Variants in KCNQ1 observed in about 807,000 individuals in gnomAD.
KCNQ1 encodes the protein potassium voltage-gated channel subfamily Q member 1.
KCNQ1 carries 49 observed loss-of-function variants against 72.4 expected under a neutral mutation model. The ratio of observed to expected loss-of-function variants is 0.68; its 90% CI spans 0.54 to 0.86. The LOEUF (loss-of-function observed/expected upper bound fraction) is 0.86, where lower values mean the gene tolerates loss of function less well. Among genes scored for constraint, KCNQ1 ranks in the 40% least tolerant of loss-of-function variants. The pLI is 0.00. For missense variants in KCNQ1, 790 were observed against 945.1 expected (o/e 0.84, Z 2.15); for synonymous variants, 450 against 412.6 (o/e 1.09, Z -1.10).
chr11:2,567,096 CCCCTGGGA>C lies in KCNQ1; in HGVS notation c.478-3531_478-3524del, dbSNP rs2133720539. On this transcript the variant is annotated intron_variant, in intron 2 of 15. Coordinates refer to ENST00000155840, the MANE Select transcript of KCNQ1 (RefSeq NM_000218.3). This position sits in a 1 kb window ranked among gnomAD's most constrained non-coding sequence, Gnocchi z 6.6. ...GCTCTGGGGGAGACTGGGCGGTGAG[CCCCTGGGA>C]AGGAGGCCTCAGGGACAGCCCTAGA... 6.6e-6 allele frequency among the ~76,000 whole-genome samples: 1 copy of C among 152,164 alleles called. No individual in the cohort carries two copies. The highest frequency in any genetic ancestry group is 1.9e-4 in the East Asian group (1 of 5,158).
rs1025908588 is a variant in KCNQ1 at position 2,750,748 on chromosome 11, G to A, written c.1515-18096G>A. On this transcript the variant is annotated intron_variant, in intron 11 of 15. Transcript: ENST00000155840. This position sits in a 1 kb window ranked among gnomAD's most constrained non-coding sequence, Gnocchi z 6.3. ...ATGGCTCATAATCTCCTGGGCTGCT[G>A]GGCGAAATGGGATCCCCTGGCTCTT... Among the ~76,000 whole-genome samples the A allele has an allele frequency of 6.6e-6, 1 of 152,150 alleles. No individual in the cohort carries two copies. Among genetic ancestry groups the A allele is most frequent in the Non-Finnish European group, 1.5e-5 (1 of 68,028 alleles).
chr11:2,778,838 G>T (rs1329408655), intron 15 of KCNQ1, among the ~76,000 whole-genome samples: 1 of 152,200 alleles, frequency 6.6e-6, no homozygotes, highest in Non-Finnish European at 1.5e-5. Flanking sequence ...GCAACGCCTG[G>T]CTCTGGCCTG....
chr11:2,646,880 A>T, intron 10 of KCNQ1: 1 of 398,606 alleles, frequency 2.5e-6, no homozygotes, highest in Non-Finnish European at 4.4e-6. Context: ...ACCAGTTCTA[A>T]AAGATTTTGG....
chr11:2,645,163 G>A lies in KCNQ1; in HGVS notation c.1394-16798G>A, dbSNP rs932259922. 6 of 398,588 alleles carry A rather than the reference G, an allele frequency of 1.5e-5. No homozygotes were observed. Among genetic ancestry groups the A allele is most frequent in the African/African-American group, 1.2e-4 (6 of 48,638 alleles). The allele number at this position is 398,588 out of a possible 1,614,324, so 24.7% of individuals were successfully genotyped here. ...AGAACAATCTTCTGCCTCCCAAGGT[G>A]TCCATGCTGGTATTGGGATGGCTGG... On this transcript the variant is annotated intron_variant, in intron 10 of 15. Coordinates refer to ENST00000155840, the MANE Select transcript of KCNQ1 (RefSeq NM_000218.3). The surrounding 1 kb of genome is among the most constrained non-coding windows in gnomAD (Gnocchi z 5.8).
intron 1 of KCNQ1, among the ~76,000 whole-genome samples, chr11:2,517,681 C>T (rs532220448): frequency 2.0e-5 from 3 of 152,336 alleles, no homozygotes; most frequent in African/African-American, 7.2e-5. Flanking sequence ...TAAGACGCTT[C>T]TTCAGGGAAG....
rs1328280238 is a variant in KCNQ1, at chr11:2,620,227, T to A, written c.1393+31373T>A. 6 of 267,486 alleles carry A rather than the reference T, an allele frequency of 2.2e-5. No homozygotes were observed. The highest frequency in any genetic ancestry group is 6.8e-5 in the African/African-American group (3 of 43,994). 16.6% of individuals were successfully genotyped at this position (267,486 alleles called of 1,614,324 possible). A position where few individuals can be genotyped will look rare whatever the true frequency, so the allele number is the denominator to read the frequency against. On this transcript the variant is annotated intron_variant, in intron 10 of 15. Coordinates refer to ENST00000155840, the MANE Select transcript of KCNQ1 (RefSeq NM_000218.3). This position sits in a 1 kb window ranked among gnomAD's most constrained non-coding sequence, Gnocchi z 4.5. ...TATATATATATTTTTTTTTTTTATT[T>A]TTTTTTTAGACGGAGTTTCGCTCTT...
rs552631395 is a variant in KCNQ1 at position 2,447,870 on chromosome 11, C to T, written c.386+2386C>T. Among the ~76,000 whole-genome samples the T allele has an allele frequency of 9.9e-5, 15 of 152,178 alleles. No individual in the cohort carries two copies. Among genetic ancestry groups the T allele is most frequent in the African/African-American group, 1.2e-4 (5 of 41,442 alleles). ...GGGCTAGGGCGAACTCTCCTGTGTG[C>T]GCCTGGGGAAGCCAGCCAGGATATC... On this transcript the variant is annotated intron_variant, in intron 1 of 15. Coordinates refer to ENST00000155840, the MANE Select transcript of KCNQ1 (RefSeq NM_000218.3). The surrounding 1 kb of genome is among the most constrained non-coding windows in gnomAD (Gnocchi z 7.6).
At chr11:2,730,430 A>G (rs231908) in intron 11 of KCNQ1, among the ~76,000 whole-genome samples, 113,944 of 152,164 alleles carry the variant, frequency 0.75, 42,860 homozygotes, top group Middle Eastern at 0.88. Flanking sequence ...GGGAGGCCCC[A>G]CCTCCCTTGG....
Position 2,600,638 on chromosome 11 carries a change from C to G in KCNQ1, c.1393+11784C>G, listed in dbSNP as rs181194279. Among the ~76,000 whole-genome samples, 2 of 152,254 alleles carry G rather than the reference C, an allele frequency of 1.3e-5. No individual in the cohort carries two copies. Among genetic ancestry groups the G allele is most frequent in the East Asian group, 1.9e-4 (1 of 5,190 alleles). Reference sequence around the variant, plus strand: ...ATTAAACATCAATATAATACTTGGACCTAATTTAATGCCTATGTTCCCATT... The same window carrying G: ...ATTAAACATCAATATAATACTTGGAGCTAATTTAATGCCTATGTTCCCATT... On this transcript the variant is annotated intron_variant, in intron 10 of 15. Transcript: ENST00000155840. The surrounding 1 kb of genome is among the most constrained non-coding windows in gnomAD (Gnocchi z 5.6).
intron 15 of KCNQ1, among the ~76,000 whole-genome samples, chr11:2,835,895 G>T (rs1187824278): frequency 6.6e-6 from 1 of 152,192 alleles, no homozygotes; most frequent in Non-Finnish European, 1.5e-5. Flanking sequence ...ACCTGGGTCA[G>T]CAGAGCACCG....
rs929034182 is a variant in KCNQ1 at position 2,824,275 on chromosome 11, G to A, written c.1795-23492G>A. On this transcript the variant is annotated intron_variant, in intron 15 of 15. Coordinates refer to ENST00000155840, the MANE Select transcript of KCNQ1 (RefSeq NM_000218.3). This position sits in a 1 kb window ranked among gnomAD's most constrained non-coding sequence, Gnocchi z 5.9. ...TGAGGAGGCTACGCAGAGGCCCTGG[G>A]AGGAGGGAGGCTAGGCCCAGGGGTG... 7.9e-5 allele frequency among the ~76,000 whole-genome samples: 12 copies of A among 152,182 alleles called. No homozygotes were observed. Among genetic ancestry groups the A allele is most frequent in the African/African-American group, 2.7e-4 (11 of 41,444 alleles).
rs1846172101 is a variant in KCNQ1, at chr11:2,748,437, G to A, written c.1515-20407G>A. Among the ~76,000 whole-genome samples, 1 of 152,138 alleles carries A rather than the reference G, an allele frequency of 6.6e-6. No homozygotes were observed. Among genetic ancestry groups the A allele is most frequent in the Non-Finnish European group, 1.5e-5 (1 of 68,010 alleles). ...GGGAGGGTCCCTATCAGATGCCCCTGGGTACCTCCCCAGGCAGGGCCCTCA... is the reference window on the plus strand; with the variant it reads ...GGGAGGGTCCCTATCAGATGCCCCTAGGTACCTCCCCAGGCAGGGCCCTCA... On this transcript the variant is annotated intron_variant, in intron 11 of 15. Coordinates refer to ENST00000155840, the MANE Select transcript of KCNQ1 (RefSeq NM_000218.3). The surrounding 1 kb of genome is among the most constrained non-coding windows in gnomAD (Gnocchi z 6.2).
chr11:2,638,470 A>G (rs1157573185), intron 10 of KCNQ1: 1 of 152,130 alleles, frequency 6.6e-6, no homozygotes, highest in Admixed American at 6.5e-5. Flanking sequence ...CTGGGTTGAA[A>G]ATTCTTTTCT....
At chr11:2,580,254 G>C (rs1848479529) in intron 6 of KCNQ1, among the ~76,000 whole-genome samples, 1 of 151,758 alleles carries the variant, frequency 6.6e-6, no homozygotes, top group South Asian at 2.1e-4. Context: ...GTCCTCGGCT[G>C]CCTCGGGAGG....
intron 2 of KCNQ1, among the ~76,000 whole-genome samples, chr11:2,539,359 T>A (rs1218014830): frequency 6.6e-6 from 1 of 152,178 alleles, no homozygotes; most frequent in Non-Finnish European, 1.5e-5. Flanking sequence ...GTCTTCCCTG[T>A]TTTCAAGCTA....
At position 2,611,676 on chromosome 11, in the gene KCNQ1, T is replaced by A; in HGVS notation, c.1393+22822T>A. Reference sequence around the variant, plus strand: ...TTTAAGGCAGTCTGGCAATCTCTGCTCTTTATTGAGTTTTTAATTCACTTA... The same window carrying A: ...TTTAAGGCAGTCTGGCAATCTCTGCACTTTATTGAGTTTTTAATTCACTTA... On this transcript the variant is annotated intron_variant, in intron 10 of 15. Coordinates refer to ENST00000155840, the MANE Select transcript of KCNQ1 (RefSeq NM_000218.3). This position sits in a 1 kb window ranked among gnomAD's most constrained non-coding sequence, Gnocchi z 5.3. The A allele has an allele frequency of 5.0e-6, 2 of 398,626 alleles. No homozygotes were observed. The highest frequency in any genetic ancestry group is 8.8e-6 in the Non-Finnish European group (2 of 226,050). The allele number at this position is 398,626 out of a possible 1,614,324, so 24.7% of individuals were successfully genotyped here.
At chr11:2,522,690 A>T (rs956687369) in intron 1 of KCNQ1, among the ~76,000 whole-genome samples, 2 of 152,266 alleles carry the variant, frequency 1.3e-5, no homozygotes, top group African/African-American at 4.8e-5. Context: ...GAATATGGCA[A>T]GGCTGACAGC....
intron 15 of KCNQ1, among the ~76,000 whole-genome samples, chr11:2,795,417 G>C (rs1332203973): frequency 6.6e-6 from 1 of 152,232 alleles, no homozygotes; most frequent in Non-Finnish European, 1.5e-5. Flanking sequence ...GGAGCAAAAA[G>C]AGCCTGAGCT....
intron 2 of KCNQ1, among the ~76,000 whole-genome samples, chr11:2,533,831 AAGAG>A (rs1003071560): frequency 3.3e-5 from 5 of 152,146 alleles, no homozygotes; most frequent in Admixed American, 6.5e-5. Context: ...ACTCCACACA[AAGAG>A]AGAGGCACTC....
Sources: allele counts gnomAD v4.1 joint callset (sites outside exome capture counted in the v4.1 genomes callset), GRCh38; gene constraint gnomAD v4.1.1; non-coding constraint Gnocchi (gnomAD v3.1); transcripts MANE v1.5; gene names NCBI Gene and HGNC (gene_info 2026-07-23, HGNC 2026-07-21).